Variants in ASAH2 observed in about 807,000 individuals in gnomAD.
ASAH2 encodes the protein neutral ceramidase.
In ASAH2, 58 loss-of-function variants were observed where a neutral mutation model predicts 82.9. The ratio of observed to expected loss-of-function variants is 0.70; its 90% CI spans 0.57 to 0.87. The LOEUF is 0.87. Among genes scored for constraint, ASAH2 ranks in the 40% least tolerant of loss-of-function variants. The pLI is 0.00. For missense variants in ASAH2, 779 were observed against 834.0 expected, an observed-to-expected ratio of 0.93 and a Z score of 0.81; for synonymous variants, 276 against 289.7, an observed-to-expected ratio of 0.95 and a Z score of 0.48.
intron 4 of ASAH2, among the ~76,000 whole-genome samples, chr10:50,242,630 A>ATCTC (rs35374449): frequency 0.33 from 50,536 of 150,862 alleles, 10,322 homozygotes; most frequent in Non-Finnish European, 0.45. Context: ...CTCGCTTTCT[A>ATCTC]TCTCTCTCTC....
Position 50,187,114 on chromosome 10 carries a change from T to TCACA in ASAH2, c.*200_*201insTGTG, listed in dbSNP as rs1844768000. On this transcript the variant is annotated 3_prime_UTR_variant, in exon 21 of 21. Transcript: ENST00000682911. ...CTCTCTCTCTCTCTCTCTCTCTCTC[T>TCACA]CTCTCACACACACACACACACACAC... is the stretch of plus-strand genomic sequence containing the variant. 7.6e-5 allele frequency: 20 copies of TCACA among 262,088 alleles called. No individual in the cohort carries two copies. Among genetic ancestry groups the TCACA allele is most frequent in the South Asian group, 2.9e-4 (9 of 30,792 alleles). 16.2% of individuals were successfully genotyped at this position (262,088 alleles called of 1,614,324 possible). A position where few individuals can be genotyped will look rare whatever the true frequency, so the allele number is the denominator to read the frequency against.
chr10:50,199,730 G>T (rs1349794889), intron 16 of ASAH2, among the ~76,000 whole-genome samples: 2 of 150,386 alleles, frequency 1.3e-5, no homozygotes, highest in African/African-American at 2.5e-5. Flanking sequence ...CATCTTTCCA[G>T]TCTCCCATGT....
chr10:50,248,274 G>T (rs535439765), intron 2 of ASAH2, among the ~76,000 whole-genome samples: 1 of 152,244 alleles, frequency 6.6e-6, no homozygotes, highest in Non-Finnish European at 1.5e-5. Flanking sequence ...CAGAATGCCT[G>T]TCAGCTGGCT....
intron 8 of ASAH2, among the ~76,000 whole-genome samples, chr10:50,215,242 G>A (rs1845562740): frequency 6.6e-6 from 1 of 151,988 alleles, no homozygotes; most frequent in Non-Finnish European, 1.5e-5. Context: ...GTTAATTTTT[G>A]TATAAGGTGT....
chr10:50,215,824 G>A (rs1410092790), intron 8 of ASAH2, among the ~76,000 whole-genome samples: 7 of 152,154 alleles, frequency 4.6e-5, no homozygotes, highest in African/African-American at 1.4e-4. Flanking sequence ...TATACCCAAA[G>A]GATTATAAAT....
At chr10:50,193,837 G>A (rs1301072708) in intron 18 of ASAH2, among the ~76,000 whole-genome samples, 1 of 151,692 alleles carries the variant, frequency 6.6e-6, no homozygotes, top group Admixed American at 6.6e-5. Flanking sequence ...GGATTACAGG[G>A]GATTATCATG....
rs1846059545 is a variant in ASAH2, at chr10:50,233,142, A to G, written c.893+42T>C. ...CTTTTCCCTTCTCTTTAATTAAGAA[A>G]AGCTACCCGACAGAATTATTTTTAA... is the stretch of plus-strand genomic sequence containing the variant. On this transcript the variant is annotated intron_variant, in intron 7 of 20. Transcript: ENST00000682911. 4.3e-6 allele frequency: 6 copies of G among 1,392,318 alleles called. No homozygotes were observed. In the South Asian group the frequency reaches 5.8e-5, roughly 13 times the overall value. The allele number at this position is 1,392,318 out of a possible 1,614,324, so 86.2% of individuals were successfully genotyped here. A position where few individuals can be genotyped will look rare whatever the true frequency, so the allele number is the denominator to read the frequency against.
intron 2 of ASAH2, 31 bp from the exon 3 acceptor site, chr10:50,245,485 C>A (rs770909136): frequency 1.9e-5 from 29 of 1,566,534 alleles, no homozygotes; most frequent in Non-Finnish European, 2.4e-5. Flanking sequence ...TGAGAAACAA[C>A]ATTTCAGCCC....
chr10:50,234,435 C>T lies in ASAH2; in HGVS notation c.805G>A (p.Glu269Lys). Residue 269 changes from glutamate (E) to lysine (K), a missense_variant, in exon 6 of 21, where the codon GAG becomes AAG. By Grantham distance (56) the Glu-to-Lys change is moderately conservative (BLOSUM62 1). Transcript: ENST00000682911. ...ACGATTCCTCCTCACCTTGCTCTCTCTGACTGCGGATTTTGAAGGTAAGAA... is the reference window on the plus strand; with the variant it reads ...ACGATTCCTCCTCACCTTGCTCTCTTTGACTGCGGATTTTGAAGGTAAGAA... ...PYSYLQNPQS[E>K]RARYSSNTDK... The T allele has an allele frequency of 9.9e-6, 16 of 1,613,052 alleles. No individual in the cohort carries two copies. Among genetic ancestry groups the T allele is most frequent in the Non-Finnish European group, 1.4e-5 (16 of 1,179,228 alleles).
intron 15 of ASAH2, 59 bp downstream of exon 15, chr10:50,203,581 T>TCCTATAGTGAAGAGGG: frequency 7.4e-7 from 1 of 1,345,054 alleles, no homozygotes; most frequent in Non-Finnish European, 1.1e-6. Context: ...AGGGATAGGA[T>TCCTATAGTGAAGAGGG]ATACTTTCCT....
At chr10:50,221,735 CAGATAGAGATAG>C (rs1442421455) in intron 7 of ASAH2, among the ~76,000 whole-genome samples, 1 of 131,020 alleles carries the variant, frequency 7.6e-6, no homozygotes, top group East Asian at 2.2e-4. Context: ...TAGATAGATA[CAGATAGAGATAG>C]AGATATATGC....
chr10:50,235,647 A>C (rs1236638553), intron 5 of ASAH2, among the ~76,000 whole-genome samples: 1 of 152,124 alleles, frequency 6.6e-6, no homozygotes, highest in Non-Finnish European at 1.5e-5. Flanking sequence ...TGTCTGTTTA[A>C]ATAACTACAT....
Position 50,200,703 on chromosome 10 carries a change from A to G in ASAH2, c.1762-1557T>C, listed in dbSNP as rs527702279. ...AGGGAAGGGACAGATTCTTTTCATC[A>G]TTATGCCCCAGAAAGTGGCTAGCAC... On this transcript the variant is annotated intron_variant, in intron 16 of 20. Coordinates refer to ENST00000682911, the MANE Select transcript of ASAH2 (RefSeq NM_019893.4). Among the ~76,000 whole-genome samples the G allele has an allele frequency of 2.7e-3, 418 of 152,170 alleles. 1 individual carries two copies. Among genetic ancestry groups the G allele is most frequent in the African/African-American group, 8.3e-3 (345 of 41,546 alleles).
chr10:50,233,310 C>A, intron 6 of ASAH2, 49 bp from the exon 7 acceptor site: 3 of 1,361,128 alleles, frequency 2.2e-6, no homozygotes, highest in Admixed American at 1.7e-5. Flanking sequence ...TAGAGCCTAA[C>A]CCTCATGTAA....
At position 50,231,576 on chromosome 10, in the gene ASAH2, G is replaced by C. The variant is rs569425193; in HGVS notation, c.893+1608C>G. 7.2e-3 allele frequency among the ~76,000 whole-genome samples: 1,093 copies of C among 152,206 alleles called. 6 individuals carry two copies. The highest frequency in any genetic ancestry group is 0.017 in the Middle Eastern group (5 of 294). ...CCAGCTTGTGAGACCCTTAAAGATA[G>C]AAAACTTGCCTTATTCATCATAACA... On this transcript the variant is annotated intron_variant, in intron 7 of 20. Coordinates refer to ENST00000682911, the MANE Select transcript of ASAH2 (RefSeq NM_019893.4).
chr10:50,205,813 C>T (rs1845277911), intron 13 of ASAH2, among the ~76,000 whole-genome samples, 169 bp downstream of exon 13: 1 of 151,898 alleles, frequency 6.6e-6, no homozygotes, highest in African/African-American at 2.4e-5. Context: ...TTGCCATAAC[C>T]TTCATTCCTT....
At chr10:50,224,726 C>T (rs1589343371) in intron 7 of ASAH2, among the ~76,000 whole-genome samples, 2 of 152,248 alleles carry the variant, frequency 1.3e-5, no homozygotes, top group African/African-American at 4.8e-5. Flanking sequence ...TTGTGTGGCA[C>T]TTGCCATTAA....
intron 17 of ASAH2, among the ~76,000 whole-genome samples, chr10:50,197,812 C>T (rs1174392997): frequency 1.3e-5 from 2 of 151,734 alleles, no homozygotes; most frequent in African/African-American, 4.8e-5. Flanking sequence ...TTGGGAAGAA[C>T]TATAGACCTA....
Position 50,187,305 on chromosome 10 carries a change from C to G in ASAH2, c.*10G>C. On this transcript the variant is annotated 3_prime_UTR_variant, in exon 21 of 21. Coordinates refer to ENST00000682911, the MANE Select transcript of ASAH2 (RefSeq NM_019893.4). The stretch of plus-strand genomic sequence containing the variant: ...TAAAGCTGTTCTTTAAATGATCTAT[C>G]AACTTTTCACTAAATAGTTACAACT... 5.2e-6 allele frequency: 1 copy of G among 192,952 alleles called. No individual in the cohort carries two copies. 12.0% of individuals were successfully genotyped at this position (192,952 alleles called of 1,614,324 possible).
Sources: allele counts gnomAD v4.1 joint callset (sites outside exome capture counted in the v4.1 genomes callset), GRCh38; gene constraint gnomAD v4.1.1; transcripts MANE v1.5; gene names NCBI Gene and HGNC (gene_info 2026-07-23, HGNC 2026-07-21).